Variants in COL6A3 observed in about 807,000 individuals in gnomAD.
COL6A3 encodes collagen type VI alpha 3 chain, also known as collagen alpha-3(VI) chain.
Under a neutral mutation model 274.1 loss-of-function variants are expected in COL6A3, and 137 were observed. The observed-to-expected ratio is 0.50, with a 90% CI of 0.44 to 0.58. The LOEUF (loss-of-function observed/expected upper bound fraction) is 0.58. Among genes scored for constraint, COL6A3 ranks in the 20% least tolerant of loss-of-function variants. The pLI, the probability that COL6A3 is intolerant of heterozygous loss-of-function variation, is 0.00. For missense variants in COL6A3, 3,950 were observed against 4,124.9 expected (o/e 0.96, Z 1.16); for synonymous variants, 1,650 against 1,650.6 (o/e 1.00, Z 0.01).
In COL6A3 at chr2:237,371,516, G is replaced by T; in HGVS notation, c.4285+216C>A. On this transcript the variant is annotated intron_variant, in intron 9 of 43. Coordinates refer to ENST00000295550, the MANE Select transcript of COL6A3 (RefSeq NM_004369.4). This position sits in a 1 kb window ranked among gnomAD's most constrained non-coding sequence, Gnocchi z 4.3. ...AGGAGGCTGAAGTGGGAGGTTGGCT[G>T]GATCCCAGAAGGCAGAGGTTAAAAT... The T allele has an allele frequency of 9.6e-7, 1 of 1,043,170 alleles. No individual in the cohort carries two copies. Among genetic ancestry groups the T allele is most frequent in the Non-Finnish European group, 1.3e-6 (1 of 773,948 alleles). The allele number at this position is 1,043,170 out of a possible 1,614,324, so 64.6% of individuals were successfully genotyped here.
At chr2:237,329,444 G>A (rs963020703) in intron 42 of COL6A3, 1 of 152,130 alleles carries the variant, frequency 6.6e-6, no homozygotes, top group African/African-American at 2.4e-5. Context: ...AAGACTTCAA[G>A]ATAAAAAACA....
In COL6A3 at chr2:237,374,731, C is replaced by G. The variant is rs776905431; in HGVS notation, c.3360G>C (p.Leu1120=). Residue 1120 remains leucine (L), a synonymous_variant, in exon 8 of 44, where the codon CTG becomes CTC. Coordinates refer to ENST00000295550, the MANE Select transcript of COL6A3 (RefSeq NM_004369.4). This position sits in a 1 kb window ranked among gnomAD's most constrained non-coding sequence, Gnocchi z 4.8. The stretch of plus-strand genomic sequence containing the variant: ...TTATCCTGCTTCCCGCAGAGCTGAC[C>G]AGGATGTTCCTCAGGACAAACTCCA... ...AALEFVLRNI[L]VSSAGSRITE... 1 of 1,613,294 alleles carries G rather than the reference C, an allele frequency of 6.2e-7. No homozygotes were observed. The highest frequency in any genetic ancestry group is 8.5e-7 in the Non-Finnish European group (1 of 1,179,450).
At chr2:237,370,100 G>T (rs1041207500) in intron 9 of COL6A3, among the ~76,000 whole-genome samples, 9 of 151,142 alleles carry the variant, frequency 6.0e-5, no homozygotes, top group African/African-American at 1.9e-4. Flanking sequence ...GGGCCCAAGT[G>T]ATCCTCCTGC....
chr2:237,369,294 T>C, intron 9 of COL6A3, 117 bp from the exon 10 acceptor site: 1 of 1,372,236 alleles, frequency 7.3e-7, no homozygotes, highest in Non-Finnish European at 1.0e-6. Context: ...CCAAGATGCC[T>C]GTGTTGTTTG....
At chr2:237,402,311 A>C (rs1279468547) in intron 1 of COL6A3, among the ~76,000 whole-genome samples, 1 of 152,196 alleles carries the variant, frequency 6.6e-6, no homozygotes, top group Non-Finnish European at 1.5e-5. Flanking sequence ...GTTGTAGCAC[A>C]AGGTGCGTAT....
At chr2:237,352,663 C>T in intron 25 of COL6A3, 79 bp from the exon 26 acceptor site, 1 of 1,364,152 alleles carries the variant, frequency 7.3e-7, no homozygotes, top group Non-Finnish European at 1.0e-6. Context: ...CTGCCCATCC[C>T]ACAGGGCCTG....
In COL6A3 at chr2:237,380,944, G is replaced by C; in HGVS notation, c.1868C>G (p.Pro623Arg). 1.9e-6 allele frequency: 3 copies of C among 1,614,132 alleles called. No individual in the cohort carries two copies. Among genetic ancestry groups the C allele is most frequent in the Non-Finnish European group, 2.5e-6 (3 of 1,180,032 alleles). ...LQGMLPGLLA[P>R]LRTLSGTPEV... ...AGGGGTTCCAGAGAGGGTCCTGAGA[G>C]GTGCCAGCAAGCCAGGCAGCATGCC... Residue 623 changes from proline (P) to arginine (R), a missense_variant, in exon 5 of 44, where the codon CCT (proline) becomes CGT (arginine). Pro to Arg is a moderately radical substitution (Grantham distance 103, BLOSUM62 -2). Around this residue, in one of 5 missense-constraint regions of COL6A3, gnomAD observed 1,934 missense variants for 1,984.3 expected, o/e 0.97. Coordinates refer to ENST00000295550, the MANE Select transcript of COL6A3 (RefSeq NM_004369.4).
chr2:237,372,318 G>A lies in COL6A3; in HGVS notation c.3699C>T (p.Asp1233=), dbSNP rs542411896. The A allele has an allele frequency of 6.8e-5, 110 of 1,607,764 alleles. 1 individual carries two copies. In the South Asian group the frequency reaches 7.7e-4, roughly 11 times the overall value. Residue 1233 remains aspartate, a synonymous_variant, in exon 9 of 44, where the codon GAC becomes GAT. Coordinates refer to ENST00000295550, the MANE Select transcript of COL6A3 (RefSeq NM_004369.4). The part of the protein sequence containing the change: ...LPSPGVGGKR[D]VVFLIDGSQS... ...GGGACCCATCGATGAGAAAGACCACGTCCCTCTTGCCACCAACACCTGCGA... is the reference window on the plus strand; with the variant it reads ...GGGACCCATCGATGAGAAAGACCACATCCCTCTTGCCACCAACACCTGCGA...
chr2:237,405,749 C>T (rs575742471), intron 1 of COL6A3, among the ~76,000 whole-genome samples: 1 of 152,190 alleles, frequency 6.6e-6, no homozygotes, highest in Admixed American at 6.5e-5. Context: ...CCGGGAAACC[C>T]TAGAGGCTGT....
At position 237,368,673 on chromosome 2, in the gene COL6A3, C is replaced by T. The variant is rs866180984; in HGVS notation, c.4790G>A (p.Arg1597Gln). Residue 1597 changes from arginine to glutamine, a missense_variant, in exon 10 of 44, where the codon CGA (arginine) becomes CAA (glutamine). By Grantham distance (43) the Arg-to-Gln change is conservative (BLOSUM62 1). Transcript: ENST00000295550. This position sits in a 1 kb window ranked among gnomAD's most constrained non-coding sequence, Gnocchi z 4.4. ...TATGTTGGGAAGCTCTCTGAACTCTCGCACTGTGAAGACCAGTCTGGGGTC... is the reference window on the plus strand; with the variant it reads ...TATGTTGGGAAGCTCTCTGAACTCTTGCACTGTGAAGACCAGTCTGGGGTC... Reference protein sequence around the residue: ...TNDPRLVFTVREFRELPNIEE... With the variant: ...TNDPRLVFTVQEFRELPNIEE... The T allele has an allele frequency of 6.2e-7, 1 of 1,614,122 alleles. No individual in the cohort carries two copies. Among genetic ancestry groups the T allele is most frequent in the Non-Finnish European group, 8.5e-7 (1 of 1,180,026 alleles).
At chr2:237,401,965 G>A (rs2078601713) in intron 1 of COL6A3, among the ~76,000 whole-genome samples, 1 of 152,102 alleles carries the variant, frequency 6.6e-6, no homozygotes, top group Non-Finnish European at 1.5e-5. Context: ...GATTACAGGC[G>A]TGAGCCACTG....
intron 6 of COL6A3, 31 bp downstream of exon 6, chr2:237,378,605 G>A (rs1393118959): frequency 1.9e-6 from 3 of 1,612,166 alleles, no homozygotes; most frequent in South Asian, 1.1e-5. Flanking sequence ...TGAGGAAGGA[G>A]AGGGAGTTCC....
rs866330385 is a variant in COL6A3, at chr2:237,372,062, C to T, written c.3955G>A (p.Val1319Met). ...GGCCTCTTGAAGATGTTCCTGGACACGTACTCCAGGGCATTGCCCACGTTG... is the reference window on the plus strand; with the variant it reads ...GGCCTCTTGAAGATGTTCCTGGACATGTACTCCAGGGCATTGCCCACGTTG... ...QINVGNALEYVSRNIFKRPLG... is the reference protein window; with the variant it reads ...QINVGNALEYMSRNIFKRPLG... The change falls in exon 9 of 44, where the codon GTG becomes ATG. Residue 1319 changes from valine to methionine, a missense_variant. Val to Met is a conservative substitution (Grantham distance 21). This residue lies in a region of COL6A3 where 1,934 missense variants were observed against 1,984.3 expected (regional missense o/e 0.97). Transcript: ENST00000295550. 5.0e-6 allele frequency: 8 copies of T among 1,614,098 alleles called. No individual in the cohort carries two copies. Among genetic ancestry groups the T allele is most frequent in the East Asian group, 4.5e-5 (2 of 44,882 alleles).
At position 237,381,486 on chromosome 2, in the gene COL6A3, G is replaced by C; in HGVS notation, c.1326C>G (p.Asn442Lys). Reference protein sequence around the residue: ...PTIVTQVIEVNKRDIVFLVDG... With the variant: ...PTIVTQVIEVKKRDIVFLVDG... The stretch of plus-strand genomic sequence containing the variant: ...CCACCAGGAAGACTATGTCTCTCTT[G>C]TTGACTTCAATGACTGTAGGTGGCA... The change falls in exon 5 of 44, where the codon AAC becomes AAG. Residue 442 changes from asparagine to lysine, a missense_variant. Asn to Lys is a moderately conservative substitution (Grantham distance 94, BLOSUM62 0). Around this residue, in one of 5 missense-constraint regions of COL6A3, gnomAD observed 1,934 missense variants for 1,984.3 expected, o/e 0.97. Coordinates refer to ENST00000295550, the MANE Select transcript of COL6A3 (RefSeq NM_004369.4). 2 of 1,603,046 alleles carry C rather than the reference G, an allele frequency of 1.2e-6. No individual in the cohort carries two copies. Among genetic ancestry groups the C allele is most frequent in the Non-Finnish European group, 1.7e-6 (2 of 1,179,856 alleles).
At chr2:237,381,607 GCCAACGTGAC>G in intron 4 of COL6A3, 108 bp from the exon 5 acceptor site, 1 of 961,248 alleles carries the variant, frequency 1.0e-6, no homozygotes, top group Non-Finnish European at 1.6e-6. Context: ...ATTTACTGTG[GCCAACGTGAC>G]CACAGGGCCA....
chr2:237,396,960 A>G (rs2078457638), intron 1 of COL6A3, 113 bp from the exon 2 acceptor site: 7 of 727,054 alleles, frequency 9.6e-6, no homozygotes, highest in South Asian at 3.1e-5. Context: ...AAGACTTTGT[A>G]TCTGATTCAT....
Position 237,381,039 on chromosome 2 carries a change from C to A in COL6A3, c.1773G>T (p.Glu591Asp). ...AIGNKGADQA[E>D]LEEIAFDSSL... Reference sequence around the variant, plus strand: ...AGGAGTCGAAAGCGATCTCTTCCAGCTCAGCCTGATCGGCACCCTTGTTCC... The same window carrying A: ...AGGAGTCGAAAGCGATCTCTTCCAGATCAGCCTGATCGGCACCCTTGTTCC... Residue 591 changes from glutamate (E) to aspartate (D), a missense_variant, in exon 5 of 44, where the codon GAG (glutamate) becomes GAT (aspartate). Transcript: ENST00000295550. The A allele has an allele frequency of 6.2e-7, 1 of 1,614,238 alleles. No individual in the cohort carries two copies. Among genetic ancestry groups the A allele is most frequent in the South Asian group, 1.1e-5 (1 of 91,080 alleles).
rs763810209 is a variant in COL6A3 at position 237,377,335 on chromosome 2, C to T, written c.2507G>A (p.Arg836Gln). The change falls in exon 7 of 44, where the codon CGA becomes CAA. Residue 836 changes from arginine (R) to glutamine (Q), a missense_variant. This residue lies in a region of COL6A3 where 1,934 missense variants were observed against 1,984.3 expected (regional missense o/e 0.97). Coordinates refer to ENST00000295550, the MANE Select transcript of COL6A3 (RefSeq NM_004369.4). ...GCCGTCAAAGAGGAACAGAATGTCT[C>T]GCTTGCTCTCTGCAATGAAGGTAGA... ...EVPLAQPESK[R>Q]DILFLFDGSA... 4.4e-6 allele frequency: 7 copies of T among 1,600,028 alleles called. No homozygotes were observed. The highest frequency in any genetic ancestry group is 4.5e-5 in the East Asian group (2 of 44,882).
intron 27 of COL6A3, among the ~76,000 whole-genome samples, chr2:237,350,450 G>A (rs2077182255): frequency 6.6e-6 from 1 of 152,188 alleles, no homozygotes; most frequent in African/African-American, 2.4e-5. Flanking sequence ...AGAAGAGAGA[G>A]TAACAACTGG....
Sources: gnomAD v4.1 joint callset for allele counts (sites outside exome capture counted in the v4.1 genomes callset) on GRCh38, gnomAD v4.1.1 for gene constraint, gnomAD v4.1.1 regional missense constraint, Gnocchi (gnomAD v3.1) non-coding constraint, MANE v1.5 for transcripts, NCBI Gene and HGNC (gene_info 2026-07-23, HGNC 2026-07-21) for gene names.